Variants in CUBN observed in about 807,000 individuals in gnomAD.
CUBN encodes the protein cubilin, also known as 460 kDa receptor.
CUBN carries 282 observed loss-of-function variants against 405.3 expected under a neutral mutation model. The ratio of observed to expected loss-of-function variants is 0.70; its 90% confidence interval spans 0.63 to 0.77. The LOEUF (loss-of-function observed/expected upper bound fraction) is 0.77, where lower values mean the gene tolerates loss of function less well. Among genes scored for constraint, CUBN ranks in the 30% least tolerant of loss-of-function variants. The pLI is 0.00. For missense variants in CUBN, 4,514 were observed against 4,475.2 expected, an observed-to-expected ratio of 1.01 and a Z score of -0.25; for synonymous variants, 1,684 against 1,617.0, an observed-to-expected ratio of 1.04 and a Z score of -0.99.
chr10:16,865,010 G>C (rs923975534), intron 59 of CUBN, among the ~76,000 whole-genome samples: 1 of 128,214 alleles, frequency 7.8e-6, no homozygotes, highest in Non-Finnish European at 1.6e-5. Context: ...GCCCAGGCTG[G>C]AGTGCAATGG....
intron 36 of CUBN, among the ~76,000 whole-genome samples, chr10:16,943,303 A>T (rs7912504): frequency 0.12 from 18,698 of 152,262 alleles, 1,234 homozygotes; most frequent in South Asian, 0.21. Context: ...TCTGGACTAG[A>T]CTAGATGGAA....
chr10:17,075,322 G>C (rs570482138), intron 17 of CUBN, among the ~76,000 whole-genome samples: 4 of 152,004 alleles, frequency 2.6e-5, no homozygotes, highest in Non-Finnish European at 5.9e-5. Context: ...GACCTGAGGT[G>C]ATCTGCCTGC....
intron 27 of CUBN, among the ~76,000 whole-genome samples, chr10:17,038,295 G>A (rs897123264): frequency 1.3e-5 from 2 of 152,168 alleles, no homozygotes; most frequent in Admixed American, 1.3e-4. Flanking sequence ...AATAAAAATG[G>A]AAGACTGAAA....
rs756614749 is a variant in CUBN, at chr10:16,828,957, C to A, written c.10612G>T (p.Glu3538Ter). 11 of 1,613,978 alleles carry A rather than the reference C, an allele frequency of 6.8e-6. No homozygotes were observed. In the Admixed American group the frequency reaches 1.3e-4, roughly 20 times the overall value. ...PGTYPNNTYC[E>*]WVLVAPAGRL... ...CCAGCAGGAGCAACAAGGACCCACT[C>A]GCAGTACGTGTTGTTTGGGTATGTG... Residue 3538 changes from glutamate (E) to a stop codon, truncating the protein, a stop_gained, in exon 66 of 67, where the codon GAG becomes TAG. Transcript: ENST00000377833. LOFTEE classifies it high-confidence loss of function.
intron 22 of CUBN, among the ~76,000 whole-genome samples, chr10:17,053,971 A>G (rs1018627045): frequency 6.6e-6 from 1 of 152,148 alleles, no homozygotes; most frequent in African/African-American, 2.4e-5. Context: ...AATCCATAGA[A>G]CAAAGAAGAA....
chr10:16,910,617 C>T (rs972700970), intron 48 of CUBN, among the ~76,000 whole-genome samples: 46 of 151,836 alleles, frequency 3.0e-4, no homozygotes, highest in African/African-American at 9.7e-4. Flanking sequence ...TTCTTAAATA[C>T]GAATGAATAG....
chr10:17,010,651 AATAAATAT>A (rs1333782978), intron 28 of CUBN, among the ~76,000 whole-genome samples: 10 of 152,014 alleles, frequency 6.6e-5, no homozygotes, highest in Admixed American at 6.6e-4. Context: ...TAAATAAATA[AATAAATAT>A]ATAAATATCT....
intron 65 of CUBN, among the ~76,000 whole-genome samples, chr10:16,830,526 A>G (rs2131302778): frequency 6.6e-6 from 1 of 152,338 alleles, no homozygotes; most frequent in Non-Finnish European, 1.5e-5. Flanking sequence ...TACCCTAAAA[A>G]AAGCAATTTC....
chr10:16,907,669 C>T lies in CUBN; in HGVS notation c.7544G>A (p.Gly2515Asp), dbSNP rs754772774. Residue 2515 changes from glycine (G) to aspartate (D), a missense_variant, in exon 49 of 67, where the codon GGC becomes GAC. This residue lies in a region of CUBN where 1,613 missense variants were observed against 1,542.8 expected (regional missense o/e 1.05). Coordinates refer to ENST00000377833, the MANE Select transcript of CUBN (RefSeq NM_001081.4). ...CNNEHVIVFN[G>D]IRSNSPQLEK... ...TAGCTGGGGTGAGTTACTTCTAATG[C>T]CATTGAATACCTGTTGGAAAAAGAG... The T allele has an allele frequency of 6.2e-7, 1 of 1,612,050 alleles. No individual in the cohort carries two copies. Among genetic ancestry groups the T allele is most frequent in the Non-Finnish European group, 8.5e-7 (1 of 1,179,842 alleles).
At chr10:17,085,468 A>C (rs1386000600) in intron 16 of CUBN, 129 bp downstream of exon 16, 11 of 969,824 alleles carry the variant, frequency 1.1e-5, no homozygotes, top group Non-Finnish European at 1.8e-5. Flanking sequence ...TGAGAGAAAT[A>C]TTTATAAAGA....
intron 31 of CUBN, among the ~76,000 whole-genome samples, chr10:16,958,482 C>T (rs923443651): frequency 9.9e-5 from 15 of 152,144 alleles, no homozygotes; most frequent in Admixed American, 2.6e-4. Flanking sequence ...GCTGCGATTG[C>T]ACCACTGCAC....
intron 17 of CUBN, among the ~76,000 whole-genome samples, chr10:17,076,982 G>A (rs1835867826): frequency 6.6e-6 from 1 of 152,200 alleles, no homozygotes; most frequent in African/African-American, 2.4e-5. Flanking sequence ...ATAACCTAGA[G>A]AAAGATGACC....
In CUBN at chr10:16,915,103, A is replaced by C. The variant is rs748384713; in HGVS notation, c.7280T>G (p.Val2427Gly). 6.2e-7 allele frequency: 1 copy of C among 1,614,158 alleles called. No individual in the cohort carries two copies. Among genetic ancestry groups the C allele is most frequent in the Non-Finnish European group, 8.5e-7 (1 of 1,180,004 alleles). The stretch of plus-strand genomic sequence containing the variant: ...AGAGCCGTCTGTGACAAACCTGACC[A>C]CAGCAGTATTGCTAGAAGTGTCTAT... ...DSIDTSSNTA[V>G]VRFVTDGSVT... is the part of the protein sequence containing the mutation. The change falls in exon 47 of 67, where the codon GTG becomes GGG. Residue 2427 changes from valine to glycine, a missense_variant. By Grantham distance (109) the Val-to-Gly change is moderately radical. This residue lies in a region of CUBN where 1,613 missense variants were observed against 1,542.8 expected (regional missense o/e 1.05). Coordinates refer to ENST00000377833, the MANE Select transcript of CUBN (RefSeq NM_001081.4).
intron 54 of CUBN, among the ~76,000 whole-genome samples, chr10:16,894,740 G>T (rs895334962): frequency 6.6e-6 from 1 of 152,144 alleles, no homozygotes; most frequent in Admixed American, 6.5e-5. Flanking sequence ...AAAGACTTTG[G>T]AGAAAATTTG....
intron 55 of CUBN, 97 bp from the exon 56 acceptor site, chr10:16,888,663 C>T (rs1010039222): frequency 1.9e-6 from 2 of 1,029,108 alleles, no homozygotes; most frequent in Admixed American, 3.4e-5. Context: ...TATCTATAGA[C>T]ATAGTTCCCT....
At chr10:17,003,826 G>A (rs1833950385) in intron 28 of CUBN, among the ~76,000 whole-genome samples, 1 of 152,122 alleles carries the variant, frequency 6.6e-6, no homozygotes, top group Non-Finnish European at 1.5e-5. Flanking sequence ...TTAGTAACCA[G>A]GACCCAGAAT....
At chr10:16,890,293 A>G in intron 55 of CUBN, 78 bp downstream of exon 55, 1 of 1,454,024 alleles carries the variant, frequency 6.9e-7, no homozygotes, top group Non-Finnish European at 9.6e-7. Flanking sequence ...CTAGACCCCC[A>G]GGTTTAGCCA....
chr10:16,921,171 C>A (rs1381154023), intron 43 of CUBN, among the ~76,000 whole-genome samples: 2 of 152,194 alleles, frequency 1.3e-5, no homozygotes, highest in Non-Finnish European at 2.9e-5. Flanking sequence ...GAACTTTACT[C>A]CCTAAGCCCT....
At chr10:16,849,814 C>T (rs904396454) in intron 60 of CUBN, among the ~76,000 whole-genome samples, 1 of 152,146 alleles carries the variant, frequency 6.6e-6, no homozygotes, top group Non-Finnish European at 1.5e-5. Context: ...CCCACAGCTG[C>T]TGATTTCAGG....
Sources: gnomAD v4.1 joint callset for allele counts (sites outside exome capture counted in the v4.1 genomes callset) on GRCh38, gnomAD v4.1.1 for gene constraint, gnomAD v4.1.1 regional missense constraint, MANE v1.5 for transcripts, NCBI Gene and HGNC (gene_info 2026-07-23, HGNC 2026-07-21) for gene names.